ATP11C: variants seen among roughly 807,000 people sequenced by gnomAD.
ATP11C encodes ATPase phospholipid transporting 11C (ATP11C blood group), also known as phospholipid-transporting ATPase IG.
Under a neutral mutation model 97.4 loss-of-function variants are expected in ATP11C, and 36 were observed. The observed-to-expected ratio is 0.37, with a 90% confidence interval of 0.28 to 0.49. ATP11C has a LOEUF of 0.49. Among genes scored for constraint, ATP11C ranks in the 20% least tolerant of loss-of-function variants. ATP11C has a pLI of 0.98. For missense variants in ATP11C, 730 were observed against 824.6 expected, an observed-to-expected ratio of 0.89 and a Z score of 1.40; for synonymous variants, 275 against 290.9, an observed-to-expected ratio of 0.95 and a Z score of 0.56.
intron 8 of ATP11C, 110 bp downstream of exon 8, chrX:139,799,950 C>G: frequency 1.4e-6 from 1 of 690,790 alleles, no homozygotes; most frequent in Non-Finnish European, 2.3e-6. Flanking sequence ...CCGCACCCGG[C>G]CTATATTCCT....
chrX:139,742,210 G>A (rs1055088859), intron 26 of ATP11C, among the ~76,000 whole-genome samples: 8 of 111,091 alleles, frequency 7.2e-5, no homozygotes, highest in African/African-American at 2.3e-4. Flanking sequence ...AATAAAAACC[G>A]AAAACTAGCA....
intron 1 of ATP11C, among the ~76,000 whole-genome samples, chrX:139,894,982 G>A (rs2084783627): frequency 9.0e-6 from 1 of 111,663 alleles, no homozygotes; most frequent in South Asian, 3.7e-4. Flanking sequence ...CTTGAACCCA[G>A]GAGGCAGAGG....
intron 1 of ATP11C, among the ~76,000 whole-genome samples, chrX:139,909,633 T>C (rs2085039052): frequency 9.0e-6 from 1 of 111,682 alleles, no homozygotes; most frequent in African/African-American, 3.3e-5. Flanking sequence ...AACATCAGTA[T>C]CTTGGTTGTG....
intron 26 of ATP11C, among the ~76,000 whole-genome samples, chrX:139,742,871 AAAAAAATAT>A (rs1293054990): frequency 7.2e-4 from 16 of 22,371 alleles, no homozygotes; most frequent in African/African-American, 2.3e-3. Flanking sequence ...AATTAAAAAA[AAAAAAATAT>A]ATATATATAT....
rs956065278 is a variant in ATP11C at position 139,778,874 on chromosome X, T to C, written c.1952+3673A>G. Among the ~76,000 whole-genome samples the C allele has an allele frequency of 4.5e-5, 5 of 111,112 alleles. No homozygotes were observed. The Admixed American group carries it at 4.8e-4, about 11-fold the overall frequency. ...CTCAGGCGTAATGATGACCACAAGC[T>C]AAATCTAAAGGGATGGAGAAAGATC... is the stretch of plus-strand genomic sequence containing the variant. On this transcript the variant is annotated intron_variant, in intron 18 of 29. Coordinates refer to ENST00000682941, the MANE Select transcript of ATP11C (RefSeq NM_001353812.2).
chrX:139,836,923 G>A (rs1252708075), intron 1 of ATP11C, among the ~76,000 whole-genome samples: 1 of 111,130 alleles, frequency 9.0e-6, no homozygotes, highest in Non-Finnish European at 1.9e-5. Context: ...CTACCATGAG[G>A]GCAATTTTTA....
chrX:139,788,367 G>C (rs201892913), intron 13 of ATP11C, 24 bp from the exon 14 acceptor site: 164 of 1,166,892 alleles, frequency 1.4e-4, no homozygotes, highest in Non-Finnish European at 1.7e-4. Flanking sequence ...ACAAAATAAT[G>C]ATTATTATTT....
chrX:139,849,418 A>G lies in ATP11C; in HGVS notation c.28-22595T>C, dbSNP rs146642047. Among the ~76,000 whole-genome samples the G allele has an allele frequency of 5.0e-3, 554 of 111,421 alleles. 11 individuals are homozygous for G. Among genetic ancestry groups the G allele is most frequent in the Admixed American group, 0.044 (465 of 10,477 alleles). On this transcript the variant is annotated intron_variant, in intron 1 of 29. Transcript: ENST00000682941. ...TCTAGCCTCTTCTCCCCTTCCCTCT[A>G]TAGGCCCAATGTAAAGTGGTATTCT... is the stretch of plus-strand genomic sequence containing the variant.
At chrX:139,788,668 G>A (rs2082627430) in intron 13 of ATP11C, among the ~76,000 whole-genome samples, 1 of 111,753 alleles carries the variant, frequency 8.9e-6, no homozygotes, top group African/African-American at 3.3e-5. Context: ...AATAGCTCAA[G>A]TGTAGGGAGA....
Position 139,761,354 on chromosome X carries a change from T to C in ATP11C, c.2640+607A>G, listed in dbSNP as rs775829156. ...GTAAAAACCTCAATGTAGTGTATAG[T>C]GTATAAAAGTATAAAAAAAGTACAT... On this transcript the variant is annotated intron_variant, in intron 22 of 29. Transcript: ENST00000682941. Among the ~76,000 whole-genome samples, 8 of 111,806 alleles carry C rather than the reference T, an allele frequency of 7.2e-5. No individual in the cohort carries two copies. In the East Asian group the frequency reaches 1.7e-3, roughly 24 times the overall value.
intron 21 of ATP11C, among the ~76,000 whole-genome samples, chrX:139,762,625 GA>G (rs2082060140): frequency 9.0e-6 from 1 of 111,360 alleles, no homozygotes; most frequent in South Asian, 3.8e-4. Context: ...AGTTGCACAA[GA>G]AATAGGAATA....
chrX:139,749,849 G>C (rs937961864), intron 24 of ATP11C, among the ~76,000 whole-genome samples, 176 bp downstream of exon 24: 10 of 111,666 alleles, frequency 9.0e-5, no homozygotes, highest in Non-Finnish European at 1.9e-4. Context: ...CCCACACCTA[G>C]GAAATATGTC....
intron 1 of ATP11C, among the ~76,000 whole-genome samples, chrX:139,908,970 C>T (rs1413137327): frequency 8.9e-6 from 1 of 112,136 alleles, no homozygotes; most frequent in Non-Finnish European, 1.9e-5. Flanking sequence ...CCTCTGCTTT[C>T]TCAGGTCAAA....
chrX:139,771,450 A>C (rs780303204), intron 19 of ATP11C, among the ~76,000 whole-genome samples: 1 of 111,590 alleles, frequency 9.0e-6, no homozygotes, highest in East Asian at 2.8e-4. Flanking sequence ...AAGATAACCA[A>C]AACTGTGGAC....
intron 1 of ATP11C, among the ~76,000 whole-genome samples, chrX:139,848,232 C>T (rs755177969): frequency 9.9e-5 from 11 of 111,528 alleles, no homozygotes; most frequent in Non-Finnish European, 1.7e-4. Context: ...TTCTCTATGC[C>T]AACACTTGCC....
intron 1 of ATP11C, among the ~76,000 whole-genome samples, chrX:139,926,957 A>T (rs2085360282): frequency 8.9e-6 from 1 of 112,335 alleles, no homozygotes. Flanking sequence ...AGATGAAAGG[A>T]GACAAATGCA....
At chrX:139,754,002 C>CA (rs2081878970) in intron 23 of ATP11C, among the ~76,000 whole-genome samples, 3 of 109,531 alleles carry the variant, frequency 2.7e-5, no homozygotes, top group African/African-American at 6.6e-5. Context: ...AACTGAGATG[C>CA]AAAAAAACCA....
chrX:139,859,625 A>C (rs1343029835), intron 1 of ATP11C, among the ~76,000 whole-genome samples: 1 of 112,003 alleles, frequency 8.9e-6, no homozygotes, highest in Non-Finnish European at 1.9e-5. Context: ...GACATATTCA[A>C]CCCTCACGTA....
intron 12 of ATP11C, among the ~76,000 whole-genome samples, chrX:139,791,797 C>CT (rs1383991417): frequency 2.7e-5 from 3 of 111,368 alleles, no homozygotes; most frequent in Non-Finnish European, 5.6e-5. Flanking sequence ...CTGCTTTACT[C>CT]TGACTCTCAA....
Sources: allele counts gnomAD v4.1 joint callset (sites outside exome capture counted in the v4.1 genomes callset), GRCh38; gene constraint gnomAD v4.1.1; transcripts MANE v1.5; gene names NCBI Gene and HGNC (gene_info 2026-07-23, HGNC 2026-07-21).